Variants in CNTN1 observed in about 807,000 individuals in gnomAD.
The protein encoded by CNTN1 is contactin 1, also known as contactin-1.
CNTN1 carries 38 observed loss-of-function variants against 126.4 expected under a neutral mutation model. The observed-to-expected ratio is 0.30, with a 90% confidence interval of 0.23 to 0.39. The LOEUF (loss-of-function observed/expected upper bound fraction) is 0.39, where lower values mean the gene tolerates loss of function less well. Ranked by LOEUF, CNTN1 falls within the 10% of genes least tolerant of loss-of-function variation. CNTN1 has a pLI of 1.00. For synonymous variants in CNTN1, 413 were observed against 422.6 expected, an observed-to-expected ratio of 0.98 and a Z score of 0.28; for missense variants, 1,009 against 1,248.4, an observed-to-expected ratio of 0.81 and a Z score of 2.89.
chr12:40,719,884 C>T (rs1942148442), intron 1 of CNTN1, among the ~76,000 whole-genome samples: 1 of 152,134 alleles, frequency 6.6e-6, no homozygotes. Context: ...ATTGCCCAGG[C>T]TGGAGTGCAG....
At chr12:40,882,048 G>C (rs551953767) in intron 1 of CNTN1, among the ~76,000 whole-genome samples, 1 of 151,526 alleles carries the variant, frequency 6.6e-6, no homozygotes, top group Admixed American at 6.6e-5. Flanking sequence ...TAGGAGGATG[G>C]GGGCTTTAAT....
chr12:40,844,372 A>AT (rs1020298375), intron 1 of CNTN1, among the ~76,000 whole-genome samples: 2 of 152,012 alleles, frequency 1.3e-5, no homozygotes, highest in African/African-American at 4.8e-5. Flanking sequence ...GGCCACAATG[A>AT]TTTTTTGAAG....
chr12:40,731,874 G>T (rs1942508895), intron 1 of CNTN1, among the ~76,000 whole-genome samples: 1 of 151,894 alleles, frequency 6.6e-6, no homozygotes, highest in Non-Finnish European at 1.5e-5. Flanking sequence ...TCTTTTGGGT[G>T]ATTTAAACAG....
intron 3 of CNTN1, among the ~76,000 whole-genome samples, chr12:40,911,076 A>AATTT (rs1157139427): frequency 3.3e-5 from 5 of 151,980 alleles, no homozygotes; most frequent in Admixed American, 1.3e-4. Context: ...GGCACTTTTT[A>AATTT]ATTTATTTAT....
In CNTN1 at chr12:40,908,428, A is replaced by G. The variant is rs563952471; in HGVS notation, c.-5A>G. On this transcript the variant is annotated 5_prime_UTR_variant, in exon 2 of 24. In the 5' UTR this introduces an upstream ATG that the reference lacks. Coordinates refer to ENST00000551295, the MANE Select transcript of CNTN1 (RefSeq NM_001843.4). ...AAATTGAACCGAACTTCTACTGAATACAAGATGAAAATGTGGTTGCTGGTC... is the reference window on the plus strand; with the variant it reads ...AAATTGAACCGAACTTCTACTGAATGCAAGATGAAAATGTGGTTGCTGGTC... 8 of 1,612,788 alleles carry G rather than the reference A, an allele frequency of 5.0e-6. No homozygotes were observed. In the Middle Eastern group the frequency reaches 6.6e-4, roughly 134 times the overall value.
In CNTN1 at chr12:40,958,377, G is replaced by GTA. The variant is rs1555188810; in HGVS notation, c.1684-736_1684-735insAT. Among the ~76,000 whole-genome samples the GTA allele has an allele frequency of 6.2e-3, 768 of 124,424 alleles. 3 individuals carry two copies. The highest frequency in any genetic ancestry group is 0.01 in the Non-Finnish European group (551 of 54,268). The allele number at this position is 124,424 out of a possible 152,430, so 81.6% of individuals were successfully genotyped here. On this transcript the variant is annotated intron_variant, in intron 14 of 23. Coordinates refer to ENST00000551295, the MANE Select transcript of CNTN1 (RefSeq NM_001843.4). The stretch of plus-strand genomic sequence containing the variant: ...TGTGTGTGTGTGTGTGTGTGTGTGT[G>GTA]TGTATGTATGTATGTATGTATATAC...
intron 1 of CNTN1, among the ~76,000 whole-genome samples, chr12:40,706,405 G>A (rs1349500750): frequency 4.0e-5 from 6 of 151,776 alleles, no homozygotes; most frequent in Non-Finnish European, 4.4e-5. Flanking sequence ...CAGGCAGATC[G>A]ACACCTCCCT....
intron 1 of CNTN1, among the ~76,000 whole-genome samples, chr12:40,743,641 T>C (rs998507035): frequency 6.6e-6 from 1 of 152,086 alleles, no homozygotes; most frequent in East Asian, 1.9e-4. Context: ...CACTTTGTAA[T>C]GGGTTGTTTT....
At chr12:40,891,005 G>A (rs893276456) in intron 1 of CNTN1, among the ~76,000 whole-genome samples, 5 of 152,154 alleles carry the variant, frequency 3.3e-5, no homozygotes, top group African/African-American at 7.2e-5. Flanking sequence ...AAATGCTAGT[G>A]AGGATATGGA....
chr12:41,021,885 G>A (rs1381011201), intron 20 of CNTN1, among the ~76,000 whole-genome samples: 1 of 152,032 alleles, frequency 6.6e-6, no homozygotes, highest in African/African-American at 2.4e-5. Flanking sequence ...GTATCTTTGG[G>A]AGAAGACATC....
chr12:41,011,401 G>A (rs1948649516), intron 17 of CNTN1, among the ~76,000 whole-genome samples: 1 of 152,198 alleles, frequency 6.6e-6, no homozygotes, highest in Admixed American at 6.5e-5. Context: ...GCACTCCAGA[G>A]GAGTACAGGC....
intron 1 of CNTN1, among the ~76,000 whole-genome samples, chr12:40,779,171 A>C (rs1157911657): frequency 6.6e-6 from 1 of 151,790 alleles, no homozygotes; most frequent in Non-Finnish European, 1.5e-5. Flanking sequence ...TTAGTAAATA[A>C]CAGTTTCTTA....
At position 40,951,715 on chromosome 12, in the gene CNTN1, TAAAAAAAA is replaced by T. The variant is rs71078286; in HGVS notation, c.1684-7379_1684-7372del. On this transcript the variant is annotated intron_variant, in intron 14 of 23. Coordinates refer to ENST00000551295, the MANE Select transcript of CNTN1 (RefSeq NM_001843.4). ...AAGAGTGAGACTTTGTCTCAAAATT[TAAAAAAAA>T]AAAAAAAAAAAAAAAAAAAGAAGAA... Among the ~76,000 whole-genome samples the T allele has an allele frequency of 4.8e-3, 532 of 110,042 alleles. 3 individuals carry two copies. Among genetic ancestry groups the T allele is most frequent in the Non-Finnish European group, 7.7e-3 (425 of 54,922 alleles). The allele number at this position is 110,042 out of a possible 152,430, so 72.2% of individuals were successfully genotyped here. A position where few individuals can be genotyped will look rare whatever the true frequency, so the allele number is the denominator to read the frequency against.
intron 1 of CNTN1, among the ~76,000 whole-genome samples, chr12:40,750,713 C>T (rs1167582252): frequency 6.6e-6 from 1 of 151,842 alleles, no homozygotes; most frequent in Non-Finnish European, 1.5e-5. Flanking sequence ...AGGAAAAATG[C>T]TACTAAGGGA....
chr12:40,718,903 A>AT (rs914904441), intron 1 of CNTN1, among the ~76,000 whole-genome samples: 62 of 147,128 alleles, frequency 4.2e-4, no homozygotes, highest in African/African-American at 6.7e-4. Flanking sequence ...AATATCTGGG[A>AT]TTTTTTTTTT....
chr12:40,957,012 G>A, intron 14 of CNTN1, among the ~76,000 whole-genome samples: 1 of 151,590 alleles, frequency 6.6e-6, no homozygotes, highest in Non-Finnish European at 1.5e-5. Context: ...AAAGGGAGGG[G>A]TTAAGAATGT....
chr12:40,796,495 C>T (rs907699284), intron 1 of CNTN1, among the ~76,000 whole-genome samples: 8 of 151,990 alleles, frequency 5.3e-5, no homozygotes, highest in Non-Finnish European at 8.8e-5. Context: ...TTTTAAACAG[C>T]TAAGTGATCT....
chr12:40,929,891 A>G lies in CNTN1; in HGVS notation c.592A>G (p.Ile198Val), dbSNP rs138266018. The part of the protein sequence containing the change: ...FVSQTNGNLY[I>V]ANVEASDKGN... ...GTCTCAGACAAATGGCAATCTCTAC[A>G]TTGCAAATGTTGAGGCTTCCGACAA... is the stretch of plus-strand genomic sequence containing the variant. Residue 198 changes from isoleucine to valine, a missense_variant, in exon 7 of 24, where the codon ATT (isoleucine) becomes GTT (valine). Transcript: ENST00000551295. 3 of 1,612,770 alleles carry G rather than the reference A, an allele frequency of 1.9e-6. No homozygotes were observed. In the African/African-American group the frequency reaches 4.0e-5, roughly 22 times the overall value.
intron 23 of CNTN1, among the ~76,000 whole-genome samples, chr12:41,069,387 T>C (rs1029606525): frequency 1.3e-5 from 2 of 152,324 alleles, no homozygotes; most frequent in Admixed American, 1.3e-4. Context: ...ACCTATGTTG[T>C]CATTGTTTCA....
Sources: allele counts gnomAD v4.1 joint callset (sites outside exome capture counted in the v4.1 genomes callset), GRCh38; gene constraint gnomAD v4.1.1; transcripts MANE v1.5; gene names NCBI Gene and HGNC (gene_info 2026-07-23, HGNC 2026-07-21).